GAK: variants seen among roughly 807,000 people sequenced by gnomAD.
GAK encodes cyclin-G-associated kinase.
In GAK, 79 loss-of-function variants were observed where a neutral mutation model predicts 143.9. The ratio of observed to expected loss-of-function variants is 0.55; its 90% confidence interval spans 0.46 to 0.66. The LOEUF is 0.66. Ranked by LOEUF, GAK falls within the 30% of genes least tolerant of loss-of-function variation. The probability of loss-of-function intolerance (pLI) is 0.00; values close to 1 mark genes in which losing one functional copy is unlikely to be tolerated. For missense variants in GAK, 1,693 were observed against 1,779.7 expected, an observed-to-expected ratio of 0.95 and a Z score of 0.88; for synonymous variants, 881 against 765.5, an observed-to-expected ratio of 1.15 and a Z score of -2.49.
intron 5 of GAK, among the ~76,000 whole-genome samples, chr4:902,801 A>G (rs1232518775): frequency 2.0e-5 from 3 of 152,130 alleles, no homozygotes; most frequent in African/African-American, 7.2e-5. Flanking sequence ...GACACTTAGC[A>G]GATTATGAGA....
chr4:912,663 C>T (rs1722250321), intron 3 of GAK, 72 bp downstream of exon 3: 13 of 1,220,866 alleles, frequency 1.1e-5, no homozygotes, highest in South Asian at 2.6e-5. Context: ...TGGCCACTGG[C>T]GGTCACAGCT....
At chr4:862,614 C>T (rs545191620) in intron 23 of GAK, among the ~76,000 whole-genome samples, 1 of 151,216 alleles carries the variant, frequency 6.6e-6, no homozygotes, top group African/African-American at 2.4e-5. Flanking sequence ...GCCAAGATCA[C>T]ACCACTGCAC....
In GAK at chr4:859,692, G is replaced by A; in HGVS notation, c.3197C>T (p.Ala1066Val). 1.9e-6 allele frequency: 3 copies of A among 1,599,420 alleles called. No homozygotes were observed. Among genetic ancestry groups the A allele is most frequent in the Non-Finnish European group, 2.6e-6 (3 of 1,167,914 alleles). Residue 1066 changes from alanine (A) to valine (V), a missense_variant, in exon 24 of 28, where the codon GCC (alanine) becomes GTC (valine). Ala to Val is a moderately conservative substitution (Grantham distance 64, BLOSUM62 0). Transcript: ENST00000314167. ...CCAGCTGGCCTGAGAGCCACAAGGG[G>A]CCGGCTGACCTCCAGGAGAGAAGAG... ...GPLFSPGGQP[A>V]PCGSQASWTK...
chr4:909,757 G>T lies in GAK; in HGVS notation c.382+1916C>A, dbSNP rs190502148. 1.5e-3 allele frequency among the ~76,000 whole-genome samples: 231 copies of T among 152,334 alleles called. 1 individual carries two copies. Among genetic ancestry groups the T allele is most frequent in the Admixed American group, 1.4e-3 (22 of 15,312 alleles). On this transcript the variant is annotated intron_variant, in intron 4 of 27. Coordinates refer to ENST00000314167, the MANE Select transcript of GAK (RefSeq NM_005255.4). ...GCCGTGGGACACGCTCAAGTCTGGG[G>T]AACCCCATGAGCAGGAAGTGGACAA...
intron 15 of GAK, among the ~76,000 whole-genome samples, chr4:879,277 C>T (rs891630543): frequency 6.6e-6 from 1 of 152,202 alleles, no homozygotes; most frequent in Non-Finnish European, 1.5e-5. Flanking sequence ...CCGAGCTGTG[C>T]GTTTCTGTCC....
chr4:889,016 C>T (rs1560368426), intron 10 of GAK, 46 bp from the exon 11 acceptor site: 1 of 1,581,688 alleles, frequency 6.3e-7, no homozygotes. Context: ...CTCGGTCCCA[C>T]CTCCCCAGGT....
At chr4:872,074 G>A (rs1712762027) in intron 18 of GAK, among the ~76,000 whole-genome samples, 1 of 152,238 alleles carries the variant, frequency 6.6e-6, no homozygotes, top group South Asian at 2.1e-4. Flanking sequence ...CGCCGAGGGA[G>A]GGCAGGGAGA....
intron 1 of GAK, among the ~76,000 whole-genome samples, chr4:929,778 A>G (rs1294263954): frequency 6.6e-6 from 1 of 152,150 alleles, no homozygotes; most frequent in Non-Finnish European, 1.5e-5. Context: ...CATTCACACC[A>G]CAAGTCCAAA....
In GAK at chr4:866,506, A is replaced by G. The variant is rs1203840932; in HGVS notation, c.2901T>C (p.Ser967=). 3 of 1,613,812 alleles carry G rather than the reference A, an allele frequency of 1.9e-6. No homozygotes were observed. The African/African-American group carries it at 4.0e-5, about 22-fold the overall frequency. The change falls in exon 22 of 28, where the codon TCT becomes TCC. Residue 967 remains serine, a synonymous_variant. Transcript: ENST00000314167. ...AGCAGGGCTGGGAGTTGTTGCCTGAAGACGGCAGAAGCGGGCCAAAGGGGT... is the reference window on the plus strand; with the variant it reads ...AGCAGGGCTGGGAGTTGTTGCCTGAGGACGGCAGAAGCGGGCCAAAGGGGT... ...AADPFGPLLP[S]SGNNSQPCSN...
intron 4 of GAK, among the ~76,000 whole-genome samples, chr4:910,831 G>A (rs893441745): frequency 1.3e-5 from 2 of 152,078 alleles, no homozygotes; most frequent in African/African-American, 2.4e-5. Context: ...CCGAGTGCTC[G>A]ACTTCCCCTC....
chr4:881,529 T>C (rs959410965), intron 15 of GAK, among the ~76,000 whole-genome samples: 4 of 152,152 alleles, frequency 2.6e-5, no homozygotes, highest in African/African-American at 9.7e-5. Context: ...CTAAACACGC[T>C]GTGACTGTAC....
At chr4:873,038 C>G (rs1187265184) in intron 18 of GAK, among the ~76,000 whole-genome samples, 3 of 151,978 alleles carry the variant, frequency 2.0e-5, no homozygotes, top group African/African-American at 7.3e-5. Context: ...GCTCACCACG[C>G]AGGGAACACG....
chr4:849,833 G>GTCCCCCCCCCCCCCCC, intron 27 of GAK, 59 bp from the exon 28 acceptor site: 1 of 1,190,148 alleles, frequency 8.4e-7, no homozygotes. Context: ...GGCGGGGCAG[G>GTCCCCCCCCCCCCCCC]ACCCCCCCCC....
intron 4 of GAK, among the ~76,000 whole-genome samples, chr4:911,434 C>T (rs987676002): frequency 6.6e-6 from 1 of 152,236 alleles, no homozygotes; most frequent in Non-Finnish European, 1.5e-5. Flanking sequence ...CTCTGGCTGC[C>T]CGCAGCTCCA....
intron 23 of GAK, among the ~76,000 whole-genome samples, chr4:862,867 C>T (rs139061599): frequency 1.3e-5 from 2 of 152,344 alleles, no homozygotes; most frequent in African/African-American, 2.4e-5. Context: ...AAAGCTCTGA[C>T]AGAGACGTAC....
At chr4:924,631 A>G (rs1227970960) in intron 1 of GAK, among the ~76,000 whole-genome samples, 1 of 148,786 alleles carries the variant, frequency 6.7e-6, no homozygotes. Context: ...TGCAAATCTC[A>G]TGTTCACTTG....
intron 18 of GAK, among the ~76,000 whole-genome samples, chr4:875,956 C>T (rs1447515297): frequency 1.3e-5 from 2 of 152,210 alleles, no homozygotes; most frequent in Admixed American, 1.3e-4. Context: ...AAAAGACAGA[C>T]CTCCAGTTAG....
intron 23 of GAK, among the ~76,000 whole-genome samples, chr4:864,007 A>G (rs1181137944): frequency 6.6e-6 from 1 of 152,212 alleles, no homozygotes; most frequent in Non-Finnish European, 1.5e-5. Flanking sequence ...CCTGTGCAAC[A>G]GAACAAGACT....
chr4:851,223 A>C, intron 25 of GAK, 139 bp from the exon 26 acceptor site: 1 of 663,016 alleles, frequency 1.5e-6, no homozygotes, highest in Non-Finnish European at 2.5e-6. Context: ...TCAGCCTCCC[A>C]AGTAGCTGGG....
Sources: allele counts gnomAD v4.1 joint callset (sites outside exome capture counted in the v4.1 genomes callset), GRCh38; gene constraint gnomAD v4.1.1; transcripts MANE v1.5; gene names NCBI Gene and HGNC (gene_info 2026-07-23, HGNC 2026-07-21).